LRRC7: variants seen among roughly 807,000 people sequenced by gnomAD.
The protein encoded by LRRC7 is leucine-rich repeat-containing protein 7.
A neutral mutation model predicts 175.7 loss-of-function variants in LRRC7; 23 were observed. The observed-to-expected ratio is 0.13, with a 90% CI of 0.09 to 0.19. The LOEUF is 0.19. LRRC7 is among the 10% of genes least tolerant of loss of function. The pLI, the probability that LRRC7 is intolerant of heterozygous loss-of-function variation, is 1.00. For synonymous variants in LRRC7, 685 were observed against 680.9 expected, an observed-to-expected ratio of 1.01 and a Z score of -0.09; for missense variants, 1,354 against 1,904.7, an observed-to-expected ratio of 0.71 and a Z score of 5.38.
chr1:70,054,849 C>T (rs1337630544), intron 23 of LRRC7, among the ~76,000 whole-genome samples: 2 of 151,490 alleles, frequency 1.3e-5, no homozygotes, highest in East Asian at 2.0e-4. Context: ...CTCAGCCTCC[C>T]AAAGTGCTGG....
In LRRC7 at chr1:70,123,838, G is replaced by GA. The variant is rs1233582088; in HGVS notation, c.*1959dup. 3.9e-5 allele frequency among the ~76,000 whole-genome samples: 6 copies of GA among 151,906 alleles called. No individual in the cohort carries two copies. The highest frequency in any genetic ancestry group is 3.4e-3 in the Middle Eastern group (1 of 294). On this transcript the variant is annotated 3_prime_UTR_variant, in exon 27 of 27. Coordinates refer to ENST00000651989, the MANE Select transcript of LRRC7 (RefSeq NM_001370785.2). ...TACTGGCCTCATAAGATCACTTAAAGAAAAAAAACTCATGGCTGTAGTTTG... is the reference window on the plus strand; with the variant it reads ...TACTGGCCTCATAAGATCACTTAAAGAAAAAAAAACTCATGGCTGTAGTTTG...
chr1:69,903,692 C>T (rs555193459), intron 7 of LRRC7, among the ~76,000 whole-genome samples: 1 of 152,054 alleles, frequency 6.6e-6, no homozygotes, highest in Admixed American at 6.5e-5. Flanking sequence ...ACACAAAAAA[C>T]CCTTCAAAAA....
intron 11 of LRRC7, among the ~76,000 whole-genome samples, chr1:69,996,421 T>A (rs559621925): frequency 6.6e-6 from 1 of 152,086 alleles, no homozygotes; most frequent in Non-Finnish European, 1.5e-5. Flanking sequence ...CATTTGTCAA[T>A]TTTGTCTTTT....
chr1:69,823,178 T>A (rs1679499072), intron 4 of LRRC7, among the ~76,000 whole-genome samples: 1 of 152,208 alleles, frequency 6.6e-6, no homozygotes, highest in Non-Finnish European at 1.5e-5. Flanking sequence ...GAAATAATCT[T>A]ATTCATTGTT....
intron 2 of LRRC7, among the ~76,000 whole-genome samples, chr1:69,753,684 A>G (rs1021751010): frequency 6.6e-6 from 1 of 152,076 alleles, no homozygotes; most frequent in Non-Finnish European, 1.5e-5. Context: ...ATATTTTAAT[A>G]TATCTACTTT....
At chr1:69,663,708 T>C (rs201626346) in intron 1 of LRRC7, among the ~76,000 whole-genome samples, 2 of 106,170 alleles carry the variant, frequency 1.9e-5, no homozygotes, top group Non-Finnish European at 4.1e-5. Flanking sequence ...TAATTTTTTT[T>C]TTTTTTTTTT....
In LRRC7 at chr1:70,127,054, C is replaced by G. The variant is rs933952379; in HGVS notation, c.*5167C>G. On this transcript the variant is annotated 3_prime_UTR_variant, in exon 27 of 27. Coordinates refer to ENST00000651989, the MANE Select transcript of LRRC7 (RefSeq NM_001370785.2). ...CAGCTCCCAATTTGGGAGGAACTTT[C>G]TTGGGTAACGCAGGAACCTGGAGTA... Among the ~76,000 whole-genome samples the G allele has an allele frequency of 3.9e-5, 6 of 152,164 alleles. No homozygotes were observed. Among genetic ancestry groups the G allele is most frequent in the African/African-American group, 1.4e-4 (6 of 41,444 alleles).
intron 10 of LRRC7, among the ~76,000 whole-genome samples, chr1:69,991,489 C>T (rs1654433583): frequency 6.6e-6 from 1 of 152,108 alleles, no homozygotes; most frequent in African/African-American, 2.4e-5. Context: ...GCAGAGTTGC[C>T]ACAGTCCCTG....
chr1:69,849,697 ATTCCAGGCTC>A (rs548800039), intron 7 of LRRC7, among the ~76,000 whole-genome samples: 104 of 152,170 alleles, frequency 6.8e-4, no homozygotes, highest in African/African-American at 2.4e-3. Flanking sequence ...AAAACATGGC[ATTCCAGGCTC>A]TTCACAATCT....
intron 7 of LRRC7, among the ~76,000 whole-genome samples, chr1:69,920,769 C>T (rs116043351): frequency 2.0e-3 from 312 of 152,244 alleles, no homozygotes; most frequent in African/African-American, 7.3e-3. Context: ...AGCAGGTGAC[C>T]TACTATTCCT....
At chr1:69,989,794 T>C (rs1486043205) in intron 10 of LRRC7, among the ~76,000 whole-genome samples, 2 of 152,118 alleles carry the variant, frequency 1.3e-5, no homozygotes, top group Non-Finnish European at 2.9e-5. Flanking sequence ...TGCATACACA[T>C]AGTGCTAAAA....
At chr1:70,021,176 G>A in intron 16 of LRRC7, 47 bp downstream of exon 16, 1 of 1,573,156 alleles carries the variant, frequency 6.4e-7, no homozygotes, top group Non-Finnish European at 8.7e-7. Context: ...TTATCTTTTT[G>A]TTTGTCCGTT....
chr1:69,795,075 A>C (rs541716511), intron 4 of LRRC7, among the ~76,000 whole-genome samples: 15 of 152,338 alleles, frequency 9.8e-5, no homozygotes, highest in African/African-American at 3.6e-4. Flanking sequence ...CCATTTCAGA[A>C]AGCCATACCT....
intron 7 of LRRC7, among the ~76,000 whole-genome samples, chr1:69,845,869 C>T (rs1214801878): frequency 6.6e-6 from 1 of 152,018 alleles, no homozygotes; most frequent in African/African-American, 2.4e-5. Context: ...ATTGTGTAAT[C>T]ATATTACCTT....
chr1:70,034,141 T>A (rs375096334), intron 18 of LRRC7, among the ~76,000 whole-genome samples: 1 of 152,132 alleles, frequency 6.6e-6, no homozygotes. Context: ...AGTCAGCATA[T>A]TTTATGCCTT....
intron 7 of LRRC7, among the ~76,000 whole-genome samples, chr1:69,908,306 T>C (rs1646395138): frequency 1.3e-5 from 2 of 152,208 alleles, no homozygotes; most frequent in African/African-American, 4.8e-5. Context: ...TTCTGCTAGC[T>C]TTTGAATGTG....
intron 7 of LRRC7, chr1:69,919,438 A>G: frequency 1.1e-6 from 1 of 947,556 alleles, no homozygotes; most frequent in Admixed American, 2.1e-5. Context: ...CTTCAACCAC[A>G]TCACTAACCC....
chr1:69,581,085 A>T (rs1042566297), intron 1 of LRRC7, among the ~76,000 whole-genome samples: 19 of 152,194 alleles, frequency 1.2e-4, no homozygotes, highest in African/African-American at 4.6e-4. Context: ...CTGGCACGTT[A>T]TGAGGCAGAC....
intron 7 of LRRC7, among the ~76,000 whole-genome samples, chr1:69,922,189 G>C (rs904606020): frequency 7.9e-5 from 12 of 152,152 alleles, no homozygotes; most frequent in African/African-American, 2.9e-4. Flanking sequence ...GCCCCCCAAA[G>C]TGCTGGGATT....
Sources: allele counts gnomAD v4.1 joint callset (sites outside exome capture counted in the v4.1 genomes callset), GRCh38; gene constraint gnomAD v4.1.1; transcripts MANE v1.5; gene names NCBI Gene and HGNC (gene_info 2026-07-23, HGNC 2026-07-21).